Variants in APBB2 observed in about 807,000 individuals in gnomAD.
APBB2 encodes amyloid beta precursor protein binding family B member 2, also known as Fe65-like 1.
A neutral mutation model predicts 82.5 loss-of-function variants in APBB2; 38 were observed. That is an observed-to-expected ratio of 0.46 (90% CI 0.36 to 0.60). The LOEUF (loss-of-function observed/expected upper bound fraction) is 0.60, where lower values mean the gene tolerates loss of function less well. Ranked by LOEUF, APBB2 falls within the 20% of genes least tolerant of loss-of-function variation. The pLI is 0.00. For missense variants in APBB2, 772 were observed against 972.3 expected (o/e 0.79, Z 2.74); for synonymous variants, 341 against 368.2 (o/e 0.93, Z 0.85).
chr4:40,837,796 T>C (rs13135802), intron 12 of APBB2, among the ~76,000 whole-genome samples: 38,726 of 152,072 alleles, frequency 0.25, 5,371 homozygotes, highest in Admixed American at 0.32. Flanking sequence ...AGCTATAGTT[T>C]CTTGTGTCTC....
chr4:40,852,815 A>G (rs1275048457), intron 12 of APBB2, among the ~76,000 whole-genome samples: 2 of 151,882 alleles, frequency 1.3e-5, no homozygotes, highest in African/African-American at 4.8e-5. Flanking sequence ...TAATTTTTGT[A>G]TTTTCAGCAG....
chr4:41,114,696 A>G (rs1416954721), intron 2 of APBB2, among the ~76,000 whole-genome samples: 1 of 152,214 alleles, frequency 6.6e-6, no homozygotes, highest in African/African-American at 2.4e-5. Context: ...ACAGAGAGCC[A>G]AATCATAAGT....
chr4:40,937,380 T>C (rs1785640208), intron 7 of APBB2, among the ~76,000 whole-genome samples: 1 of 152,220 alleles, frequency 6.6e-6, no homozygotes, highest in Admixed American at 6.5e-5. Flanking sequence ...TGCGTGTGTG[T>C]GGTTTTTAAA....
chr4:40,907,521 C>T (rs946193005), intron 10 of APBB2, among the ~76,000 whole-genome samples: 16 of 150,950 alleles, frequency 1.1e-4, no homozygotes, highest in Non-Finnish European at 1.9e-4. Context: ...CAGGTGTGTG[C>T]TACCAAGCCT....
intron 6 of APBB2, among the ~76,000 whole-genome samples, chr4:40,958,098 C>T (rs959742779): frequency 1.3e-5 from 2 of 152,122 alleles, no homozygotes; most frequent in African/African-American, 4.8e-5. Context: ...ATTCAACCAT[C>T]CATCGGTCCA....
At chr4:40,821,808 G>A in intron 17 of APBB2, 63 bp downstream of exon 17, 1 of 1,567,826 alleles carries the variant, frequency 6.4e-7, no homozygotes, top group Non-Finnish European at 8.7e-7. Flanking sequence ...CTGCTATAAT[G>A]TATGGCATAT....
At chr4:41,002,068 G>T (rs926797340) in intron 6 of APBB2, among the ~76,000 whole-genome samples, 12 of 152,038 alleles carry the variant, frequency 7.9e-5, no homozygotes, top group African/African-American at 2.9e-4. Flanking sequence ...AGTCAAATCT[G>T]TTTGAATATG....
At chr4:40,988,792 C>T (rs1449969331) in intron 6 of APBB2, among the ~76,000 whole-genome samples, 3 of 148,380 alleles carry the variant, frequency 2.0e-5, no homozygotes, top group African/African-American at 5.0e-5. Flanking sequence ...GACAGAGTCT[C>T]ACTCACTCTG....
intron 6 of APBB2, among the ~76,000 whole-genome samples, chr4:40,961,018 C>T (rs1793044148): frequency 6.6e-6 from 1 of 151,266 alleles, no homozygotes; most frequent in South Asian, 2.1e-4. Context: ...AACAGAGATG[C>T]TGCCTTGGAC....
chr4:40,825,476 G>A (rs1749581597), intron 15 of APBB2, among the ~76,000 whole-genome samples: 1 of 152,208 alleles, frequency 6.6e-6, no homozygotes, highest in Non-Finnish European at 1.5e-5. Context: ...TGCCACTACT[G>A]TGTCACTCCT....
intron 3 of APBB2, among the ~76,000 whole-genome samples, chr4:41,072,450 C>T (rs1425170814): frequency 1.3e-5 from 2 of 152,138 alleles, no homozygotes; most frequent in Non-Finnish European, 2.9e-5. Flanking sequence ...TGTTATAGTA[C>T]CAACCTTTCC....
Position 41,017,832 on chromosome 4 carries a change from A to G in APBB2, c.20-3434T>C, listed in dbSNP as rs572763196. On this transcript the variant is annotated intron_variant, in intron 5 of 17. Coordinates refer to ENST00000508593, the MANE Select transcript of APBB2 (RefSeq NM_004307.2). The stretch of plus-strand genomic sequence containing the variant: ...AAGAAGTTGGGTCTATGAGGATTTA[A>G]TTATGAAAAAAATATACATTCCTCG... Among the ~76,000 whole-genome samples the G allele has an allele frequency of 2.6e-5, 4 of 152,330 alleles. No individual in the cohort carries two copies. In the East Asian group the frequency reaches 7.7e-4, roughly 29 times the overall value.
At chr4:40,884,457 T>G (rs1769607583) in intron 12 of APBB2, among the ~76,000 whole-genome samples, 1 of 151,990 alleles carries the variant, frequency 6.6e-6, no homozygotes, top group Non-Finnish European at 1.5e-5. Flanking sequence ...AACAAGAACA[T>G]AAAGTACATG....
At chr4:41,119,243 C>T (rs1416169432) in intron 2 of APBB2, among the ~76,000 whole-genome samples, 3 of 151,694 alleles carry the variant, frequency 2.0e-5, no homozygotes, top group East Asian at 3.9e-4. Context: ...GTAGTCCTAT[C>T]GTCTTTAACA....
At position 40,966,320 on chromosome 4, in the gene APBB2, T is replaced by C. The variant is rs1316620541; in HGVS notation, c.836-21247A>G. ...GACAAGATCCTTGCATTTTCGTCTT[T>C]GTGATGGCAGCGGTAGCCCATCTGG... is the stretch of plus-strand genomic sequence containing the variant. On this transcript the variant is annotated intron_variant, in intron 6 of 17. Coordinates refer to ENST00000508593, the MANE Select transcript of APBB2 (RefSeq NM_004307.2). Among the ~76,000 whole-genome samples the C allele has an allele frequency of 2.0e-5, 3 of 152,230 alleles. No individual in the cohort carries two copies. The East Asian group carries it at 5.8e-4, about 29-fold the overall frequency.
At chr4:41,022,050 G>T (rs1711756552) in intron 5 of APBB2, among the ~76,000 whole-genome samples, 1 of 152,108 alleles carries the variant, frequency 6.6e-6, no homozygotes, top group Non-Finnish European at 1.5e-5. Flanking sequence ...TTTAAGAGCT[G>T]TGAGACTCAC....
intron 6 of APBB2, among the ~76,000 whole-genome samples, chr4:41,011,570 A>ACAGCC (rs1808388027): frequency 6.6e-6 from 1 of 152,098 alleles, no homozygotes; most frequent in East Asian, 1.9e-4. Context: ...AGCTGGGACT[A>ACAGCC]CAGCCACCCG....
chr4:40,876,987 G>C (rs181714875), intron 12 of APBB2, among the ~76,000 whole-genome samples: 2 of 152,258 alleles, frequency 1.3e-5, no homozygotes, highest in African/African-American at 4.8e-5. Context: ...GACTCTTTAG[G>C]GCTGACCACC....
chr4:40,963,271 G>A (rs926459957), intron 6 of APBB2, among the ~76,000 whole-genome samples: 2 of 151,610 alleles, frequency 1.3e-5, no homozygotes, highest in African/African-American at 2.4e-5. Context: ...TTGAGACAGG[G>A]TATTGCTCTC....
Sources: allele counts gnomAD v4.1 joint callset (sites outside exome capture counted in the v4.1 genomes callset), GRCh38; gene constraint gnomAD v4.1.1; transcripts MANE v1.5; gene names NCBI Gene and HGNC (gene_info 2026-07-23, HGNC 2026-07-21).